IQGAP1: variants seen among roughly 807,000 people sequenced by gnomAD.
IQGAP1 encodes the protein IQ motif containing GTPase activating protein 1.
IQGAP1 carries 66 observed loss-of-function variants against 215.6 expected under a neutral mutation model. The ratio of observed to expected loss-of-function variants is 0.31; its 90% CI spans 0.25 to 0.38. The LOEUF (loss-of-function observed/expected upper bound fraction) is 0.38. Among genes scored for constraint, IQGAP1 ranks in the 10% least tolerant of loss-of-function variants. The pLI, the probability that IQGAP1 is intolerant of heterozygous loss-of-function variation, is 1.00. For synonymous variants in IQGAP1, 772 were observed against 728.7 expected (o/e 1.06, Z -0.96); for missense variants, 1,712 against 1,997.1 (o/e 0.86, Z 2.72).
At chr15:90,398,275 G>T (rs1263019090) in intron 2 of IQGAP1, among the ~76,000 whole-genome samples, 1 of 152,104 alleles carries the variant, frequency 6.6e-6, no homozygotes, top group African/African-American at 2.4e-5. Context: ...AGGTCCTAAG[G>T]TTGGTAGCCC....
rs1473870912 is a variant in IQGAP1, at chr15:90,405,356, A to G, written c.155+14483A>G. ...CAAGCAAGTTATATTGTAATGCTAAACAGATTAATATCGTGTAGTAAAGTT... is the reference window on the plus strand; with the variant it reads ...CAAGCAAGTTATATTGTAATGCTAAGCAGATTAATATCGTGTAGTAAAGTT... On this transcript the variant is annotated intron_variant, in intron 2 of 37. Coordinates refer to ENST00000268182, the MANE Select transcript of IQGAP1 (RefSeq NM_003870.4). 3.9e-5 allele frequency among the ~76,000 whole-genome samples: 6 copies of G among 152,368 alleles called. No homozygotes were observed. The South Asian group carries it at 1.2e-3, about 32-fold the overall frequency.
intron 8 of IQGAP1, among the ~76,000 whole-genome samples, chr15:90,442,992 C>T (rs190681316): frequency 2.8e-4 from 42 of 152,080 alleles, no homozygotes; most frequent in African/African-American, 9.9e-4. Context: ...CAGAATCTCG[C>T]TCAGTCACCT....
chr15:90,478,234 A>G (rs1022706774), intron 26 of IQGAP1, among the ~76,000 whole-genome samples: 2 of 152,144 alleles, frequency 1.3e-5, no homozygotes, highest in African/African-American at 2.4e-5. Context: ...CAGGCAATCC[A>G]TCTGCCTCGG....
At chr15:90,399,209 G>C (rs538104652) in intron 2 of IQGAP1, among the ~76,000 whole-genome samples, 2 of 151,640 alleles carry the variant, frequency 1.3e-5, no homozygotes, top group East Asian at 3.9e-4. Flanking sequence ...GCTATCCTTC[G>C]CTAAAGTGCT....
At chr15:90,478,175 A>G (rs902073071) in intron 26 of IQGAP1, among the ~76,000 whole-genome samples, 9 of 151,816 alleles carry the variant, frequency 5.9e-5, no homozygotes, top group African/African-American at 1.9e-4. Context: ...TATTTTTAGT[A>G]AGACTGGGTT....
At chr15:90,496,306 C>A (rs564262492) in intron 36 of IQGAP1, among the ~76,000 whole-genome samples, 5 of 106,090 alleles carry the variant, frequency 4.7e-5, no homozygotes, top group Non-Finnish European at 7.3e-5. Flanking sequence ...AGCATAATCC[C>A]TTTTTTTTTT....
Position 90,459,143 on chromosome 15 carries a change from G to C in IQGAP1, c.1776+2828G>C, listed in dbSNP as rs117385278. Among the ~76,000 whole-genome samples, 167 of 152,242 alleles carry C rather than the reference G, an allele frequency of 1.1e-3. 1 individual carries two copies. Among genetic ancestry groups the C allele is most frequent in the Non-Finnish European group, 1.8e-3 (122 of 68,034 alleles). ...ACTTCAGGAGTCTTCTGAAGGCTAT[G>C]GTTCTATCCAGTTGTTGTTACTTAG... On this transcript the variant is annotated intron_variant, in intron 15 of 37. Coordinates refer to ENST00000268182, the MANE Select transcript of IQGAP1 (RefSeq NM_003870.4).
Position 90,474,112 on chromosome 15 carries a change from C to T in IQGAP1, c.2554C>T (p.Arg852Trp). 3.1e-6 allele frequency: 5 copies of T among 1,613,100 alleles called. No individual in the cohort carries two copies. The highest frequency in any genetic ancestry group is 3.4e-6 in the Non-Finnish European group (4 of 1,179,622). The change falls in exon 22 of 38, where the codon CGG becomes TGG. Residue 852 changes from arginine to tryptophan, a missense_variant. By Grantham distance (101) the Arg-to-Trp change is moderately radical. This residue lies in a region of IQGAP1 where 1,021 missense variants were observed against 1,074.2 expected (regional missense o/e 0.95). Transcript: ENST00000268182. ...GGCTTTTATTCGGGCAAACAAAGCTCGGGATGACTACAAGACTCTCAGTGA... is the reference window on the plus strand; with the variant it reads ...GGCTTTTATTCGGGCAAACAAAGCTTGGGATGACTACAAGACTCTCAGTGA... ...IQAFIRANKA[R>W]DDYKTLINAE...
chr15:90,456,416 C>T, intron 15 of IQGAP1, 101 bp downstream of exon 15: 1 of 1,145,156 alleles, frequency 8.7e-7, no homozygotes, highest in East Asian at 2.5e-5. Flanking sequence ...CAGTGAATGC[C>T]TTCTGGGCAC....
chr15:90,429,774 G>GT (rs1025200807), intron 4 of IQGAP1, 108 bp downstream of exon 4: 28 of 631,712 alleles, frequency 4.4e-5, no homozygotes, highest in Admixed American at 2.2e-4. Flanking sequence ...AATCTTTGGT[G>GT]TTTTTTTAAA....
Position 90,474,072 on chromosome 15 carries a change from C to T in IQGAP1, c.2514C>T (p.Asp838=), listed in dbSNP as rs142095701. The T allele has an allele frequency of 4.4e-4, 711 of 1,613,164 alleles. 3 individuals carry two copies. In the Middle Eastern group the frequency reaches 9.4e-3, roughly 21 times the overall value. The part of the protein sequence containing the change: ...RLQYFRDHIN[D]IIKIQAFIRA... ...TCTTTTTTGTTCCTTAGATAAATGA[C>T]ATTATCAAAATCCAGGCTTTTATTC... Residue 838 remains aspartate, a synonymous_variant, in exon 22 of 38, where the codon GAC becomes GAT. Transcript: ENST00000268182.
intron 1 of IQGAP1, among the ~76,000 whole-genome samples, chr15:90,389,744 C>G (rs1438054687): frequency 6.6e-6 from 1 of 150,426 alleles, no homozygotes; most frequent in East Asian, 2.0e-4. Context: ...AGTTTGAGGC[C>G]TTGAGTTTGA....
intron 1 of IQGAP1, among the ~76,000 whole-genome samples, chr15:90,388,627 G>A (rs891238891): frequency 6.6e-6 from 1 of 152,112 alleles, no homozygotes; most frequent in East Asian, 1.9e-4. Context: ...GCCTTAGCTG[G>A]GGCCGCGGTA....
intron 33 of IQGAP1, among the ~76,000 whole-genome samples, chr15:90,489,231 C>T (rs969432277): frequency 3.1e-4 from 47 of 151,388 alleles, no homozygotes; most frequent in African/African-American, 7.5e-4. Flanking sequence ...TGGGTTCAAG[C>T]GATTCTCCTG....
In IQGAP1 at chr15:90,403,551, A is replaced by G. The variant is rs531197574; in HGVS notation, c.155+12678A>G. Among the ~76,000 whole-genome samples the G allele has an allele frequency of 1.6e-3, 240 of 152,276 alleles. 1 individual carries two copies. The highest frequency in any genetic ancestry group is 5.5e-3 in the African/African-American group (227 of 41,570). The stretch of plus-strand genomic sequence containing the variant: ...GTCTTCTTTCTCTAGCTATTCAGTT[A>G]TTTTCCCCACATGGAACTGCTATCA... On this transcript the variant is annotated intron_variant, in intron 2 of 37. Coordinates refer to ENST00000268182, the MANE Select transcript of IQGAP1 (RefSeq NM_003870.4).
At chr15:90,452,585 C>T (rs1965618818) in intron 11 of IQGAP1, among the ~76,000 whole-genome samples, 190 bp from the exon 12 acceptor site, 1 of 152,194 alleles carries the variant, frequency 6.6e-6, no homozygotes, top group South Asian at 2.1e-4. Flanking sequence ...TTGATTGAGA[C>T]ATGGTTCACA....
intron 2 of IQGAP1, among the ~76,000 whole-genome samples, chr15:90,424,440 C>A (rs1233297400): frequency 6.6e-6 from 1 of 152,170 alleles, no homozygotes; most frequent in African/African-American, 2.4e-5. Context: ...AGCTTATCAT[C>A]GAGTATAGGA....
At chr15:90,453,362 T>C in intron 13 of IQGAP1, 70 bp downstream of exon 13, 1 of 1,208,972 alleles carries the variant, frequency 8.3e-7, no homozygotes, top group Non-Finnish European at 1.2e-6. Context: ...ATGTCAGTGC[T>C]CCGATTTTCT....
chr15:90,439,044 T>C (rs1261841252), intron 5 of IQGAP1, among the ~76,000 whole-genome samples: 1 of 152,004 alleles, frequency 6.6e-6, no homozygotes, highest in Non-Finnish European at 1.5e-5. Flanking sequence ...TAATTATGCA[T>C]TGAGTTTGTG....
Sources: allele counts gnomAD v4.1 joint callset (sites outside exome capture counted in the v4.1 genomes callset), GRCh38; gene constraint gnomAD v4.1.1; regional missense constraint gnomAD v4.1.1; transcripts MANE v1.5; gene names NCBI Gene and HGNC (gene_info 2026-07-23, HGNC 2026-07-21).